Variants in NLGN4Y observed in about 807,000 individuals in gnomAD.
NLGN4Y encodes neuroligin-4, Y-linked.
NLGN4Y carries 4 observed loss-of-function variants against 8.4 expected under a neutral mutation model. The ratio of observed to expected loss-of-function variants is 0.48; its 90% CI spans 0.23 to 1.09. The LOEUF (loss-of-function observed/expected upper bound fraction) is 1.09. Ranked by LOEUF, NLGN4Y falls within the 50% of genes least tolerant of loss-of-function variation. The pLI, the probability that NLGN4Y is intolerant of heterozygous loss-of-function variation, is 0.19. For missense variants in NLGN4Y, 90 were observed against 192.3 expected, an observed-to-expected ratio of 0.47 and a Z score of 3.15; for synonymous variants, 35 against 75.6, an observed-to-expected ratio of 0.46 and a Z score of 2.78.
chrY:14,795,137 A>T, intron 4 of NLGN4Y, among the ~76,000 whole-genome samples: 2 of 33,743 alleles, frequency 5.9e-5, no homozygotes, highest in Non-Finnish European at 1.5e-4. Context: ...AGCCTCCAAA[A>T]GTTCTGGGAT....
At chrY:14,822,835 C>T in intron 4 of NLGN4Y, among the ~76,000 whole-genome samples, 7 of 33,552 alleles carry the variant, frequency 2.1e-4, no homozygotes, top group African/African-American at 4.6e-4. Flanking sequence ...GGGGGGCTTG[C>T]GTAATGTCTG....
At chrY:14,532,021 G>A (rs756289283) in intron 1 of NLGN4Y, among the ~76,000 whole-genome samples, 14 of 32,179 alleles carry the variant, frequency 4.4e-4, no homozygotes, top group Non-Finnish European at 9.9e-4. Flanking sequence ...TGGAGCATAA[G>A]AGCTATAAAT....
chrY:14,536,235 G>GT (rs58267140), intron 1 of NLGN4Y, among the ~76,000 whole-genome samples: 77 of 12,922 alleles, frequency 6.0e-3, no homozygotes, highest in South Asian at 0.011. Flanking sequence ...TTTCCTGAAG[G>GT]TTTTTTTTTT....
At chrY:14,838,461 CAT>C (rs2043205065) in intron 6 of NLGN4Y, among the ~76,000 whole-genome samples, 1 of 32,396 alleles carries the variant, frequency 3.1e-5, no homozygotes, top group African/African-American at 1.2e-4. Flanking sequence ...GTTATACATA[CAT>C]ATATATACTG....
intron 2 of NLGN4Y, among the ~76,000 whole-genome samples, chrY:14,638,119 C>A: frequency 3.1e-5 from 1 of 32,272 alleles, no homozygotes; most frequent in Non-Finnish European, 7.5e-5. Flanking sequence ...TGGTTTGCTG[C>A]ACCCATCAAC....
chrY:14,670,690 C>A, intron 2 of NLGN4Y, among the ~76,000 whole-genome samples: 1 of 33,540 alleles, frequency 3.0e-5, no homozygotes, highest in African/African-American at 1.2e-4. Context: ...ATCAGGAAAA[C>A]GTGTAAATGA....
In NLGN4Y at chrY:14,841,576, C is replaced by T; in HGVS notation, c.*314C>T. On this transcript the variant is annotated 3_prime_UTR_variant, in exon 7 of 7. Coordinates refer to ENST00000684976, the MANE Select transcript of NLGN4Y (RefSeq NM_001365588.1). ...ACCATTTCAAGGAACTGTGTGTTTC[C>T]AACATCATGGTAGCAGCACACACTT... is the stretch of plus-strand genomic sequence containing the variant. 7.7e-6 allele frequency: 1 copy of T among 129,444 alleles called. No individual in the cohort carries two copies. Among genetic ancestry groups the T allele is most frequent in the South Asian group, 3.9e-5 (1 of 25,795 alleles). The allele number at this position is 129,444 out of a possible 400,897, so 32.3% of individuals were successfully genotyped here.
At chrY:14,790,313 CTATT>C (rs2042980850) in intron 4 of NLGN4Y, among the ~76,000 whole-genome samples, 1 of 33,014 alleles carries the variant, frequency 3.0e-5, no homozygotes, top group Admixed American at 2.8e-4. Context: ...GTAATTAAGC[CTATT>C]TATTTGATAA....
intron 1 of NLGN4Y, among the ~76,000 whole-genome samples, chrY:14,592,196 G>T (rs2080374520): frequency 3.1e-5 from 1 of 32,395 alleles, no homozygotes; most frequent in Non-Finnish European, 7.5e-5. Context: ...TAAAGAGGGT[G>T]CTCCAGAAAA....
chrY:14,705,030 C>T (rs2080871402), intron 2 of NLGN4Y, among the ~76,000 whole-genome samples: 3 of 32,257 alleles, frequency 9.3e-5, no homozygotes, highest in South Asian at 6.9e-4. Context: ...TTTTTTATTG[C>T]GTTTATTTGT....
chrY:14,605,772 A>G (rs767370889), intron 1 of NLGN4Y, among the ~76,000 whole-genome samples: 2 of 34,020 alleles, frequency 5.9e-5, no homozygotes, highest in African/African-American at 2.3e-4. Context: ...TCTAAATTTT[A>G]TAGAAACTGC....
rs778123948 is a variant in NLGN4Y, at chrY:14,760,965, A to G, written c.685+37696A>G. 1.2e-4 allele frequency among the ~76,000 whole-genome samples: 4 copies of G among 34,023 alleles called. No individual in the cohort carries two copies. The East Asian group carries it at 3.1e-3, about 27-fold the overall frequency. The allele number at this position is 34,023 out of a possible 37,273, so 91.3% of individuals were successfully genotyped here. A position where few individuals can be genotyped will look rare whatever the true frequency, so the allele number is the denominator to read the frequency against. On this transcript the variant is annotated intron_variant, in intron 4 of 6. Transcript: ENST00000684976. ...ATGAATTTAAAATTTAAATCAAAAT[A>G]CAAAGGATGTGCAGTAGCCAAACAT...
At chrY:14,700,575 C>T (rs2080845014) in intron 2 of NLGN4Y, among the ~76,000 whole-genome samples, 1 of 33,211 alleles carries the variant, frequency 3.0e-5, no homozygotes, top group Non-Finnish European at 7.5e-5. Context: ...AACTTCCTTG[C>T]CAGAGATTAA....
intron 2 of NLGN4Y, among the ~76,000 whole-genome samples, chrY:14,695,735 T>C: frequency 3.0e-5 from 1 of 32,949 alleles, no homozygotes; most frequent in Non-Finnish European, 7.5e-5. Context: ...TTACTGCAAA[T>C]TTAGTGGCTT....
intron 2 of NLGN4Y, among the ~76,000 whole-genome samples, chrY:14,702,767 C>T (rs2080857490): frequency 3.0e-5 from 1 of 33,276 alleles, no homozygotes. Flanking sequence ...AACTAGTCTA[C>T]AATCCCACCA....
chrY:14,605,015 A>AT lies in NLGN4Y; in HGVS notation c.-111-16985dup, dbSNP rs2080442441. 3.2e-4 allele frequency among the ~76,000 whole-genome samples: 10 copies of AT among 31,714 alleles called. No individual in the cohort carries two copies. The South Asian group carries it at 5.6e-3, about 18-fold the overall frequency. 85.1% of individuals were successfully genotyped at this position (31,714 alleles called of 37,273 possible). Reference sequence around the variant, plus strand: ...TTTGACAAGTTTTTATAATTTTAACATTTTTTTTTAATTCATGTGGTATGA... The same window carrying AT: ...TTTGACAAGTTTTTATAATTTTAACATTTTTTTTTTAATTCATGTGGTATGA... On this transcript the variant is annotated intron_variant, in intron 1 of 6. Transcript: ENST00000684976.
At chrY:14,565,899 A>G in intron 1 of NLGN4Y, among the ~76,000 whole-genome samples, 2 of 33,596 alleles carry the variant, frequency 6.0e-5, no homozygotes, top group Non-Finnish European at 1.5e-4. Flanking sequence ...TTTTCAACCC[A>G]GAATTTCATA....
At chrY:14,568,269 GAC>G (rs2080259099) in intron 1 of NLGN4Y, among the ~76,000 whole-genome samples, 1 of 32,639 alleles carries the variant, frequency 3.1e-5, no homozygotes, top group African/African-American at 1.2e-4. Context: ...TCATATTAGA[GAC>G]CCCTGGCCAG....
chrY:14,655,265 T>C (rs2080645473), intron 2 of NLGN4Y, among the ~76,000 whole-genome samples: 1 of 31,762 alleles, frequency 3.1e-5, no homozygotes, highest in Admixed American at 2.9e-4. Context: ...GAACTTTCCA[T>C]TTTAAGCCTT....
Sources: allele counts gnomAD v4.1 joint callset (sites outside exome capture counted in the v4.1 genomes callset), GRCh38; gene constraint gnomAD v4.1.1; transcripts MANE v1.5; gene names NCBI Gene and HGNC (gene_info 2026-07-23, HGNC 2026-07-21).